Variants in WDR7 observed in about 807,000 individuals in gnomAD.
WDR7 encodes WD repeat-containing protein 7.
WDR7 carries 46 observed loss-of-function variants against 169.4 expected under a neutral mutation model. The observed-to-expected ratio is 0.27, with a 90% CI of 0.21 to 0.35. WDR7 has a LOEUF of 0.35. Among genes scored for constraint, WDR7 ranks in the 10% least tolerant of loss-of-function variants. WDR7 has a pLI of 1.00. For missense variants in WDR7, 1,534 were observed against 1,859.3 expected (o/e 0.83, Z 3.22); for synonymous variants, 612 against 666.8 (o/e 0.92, Z 1.27).
At chr18:56,858,819 T>G (rs1240142789) in intron 20 of WDR7, among the ~76,000 whole-genome samples, 1 of 152,198 alleles carries the variant, frequency 6.6e-6, no homozygotes, top group East Asian at 1.9e-4. Flanking sequence ...TCTAAACCCT[T>G]GAGCAACATC....
intron 26 of WDR7, among the ~76,000 whole-genome samples, chr18:57,016,101 G>A (rs1282966537): frequency 6.6e-6 from 1 of 152,088 alleles, no homozygotes; most frequent in Non-Finnish European, 1.5e-5. Context: ...TGGGGAGGAC[G>A]TATTTCGGCT....
At chr18:56,934,264 A>G (rs1429234752) in intron 22 of WDR7, among the ~76,000 whole-genome samples, 3 of 152,184 alleles carry the variant, frequency 2.0e-5, no homozygotes, top group South Asian at 2.1e-4. Context: ...CTACTCACAC[A>G]GTAAACATTT....
chr18:56,934,512 ACT>A (rs1251936866), intron 22 of WDR7, among the ~76,000 whole-genome samples: 4 of 151,310 alleles, frequency 2.6e-5, no homozygotes, highest in African/African-American at 9.7e-5. Flanking sequence ...TCCAAGGAAA[ACT>A]CTCCATAGTT....
At chr18:56,754,549 C>T (rs764757231) in intron 14 of WDR7, among the ~76,000 whole-genome samples, 7 of 151,866 alleles carry the variant, frequency 4.6e-5, no homozygotes, top group African/African-American at 7.2e-5. Flanking sequence ...TGTGTGCACG[C>T]GTGTGCGTGT....
intron 26 of WDR7, among the ~76,000 whole-genome samples, chr18:56,993,549 T>G (rs1173341345): frequency 6.6e-6 from 1 of 152,188 alleles, no homozygotes; most frequent in Non-Finnish European, 1.5e-5. Flanking sequence ...AAATTGAATT[T>G]GTATCAAAAG....
rs2048390650 is a variant in WDR7 at position 57,027,924 on chromosome 18, T to G, written c.*717T>G. On this transcript the variant is annotated 3_prime_UTR_variant, in exon 28 of 28. Coordinates refer to ENST00000254442, the MANE Select transcript of WDR7 (RefSeq NM_015285.3). ...CTTGCTTAAATGATAGTCTATTTAG[T>G]AGTTTAAAATAAAAATAATCACTCC... The G allele has an allele frequency of 6.6e-6, 1 of 152,212 alleles. No homozygotes were observed. The highest frequency in any genetic ancestry group is 2.1e-4 in the South Asian group (1 of 4,828). The allele number at this position is 152,212 out of a possible 1,614,324, so 9.4% of individuals were successfully genotyped here. A position where few individuals can be genotyped will look rare whatever the true frequency, so the allele number is the denominator to read the frequency against.
chr18:56,840,309 A>G (rs1484745622), intron 20 of WDR7, among the ~76,000 whole-genome samples: 1 of 152,166 alleles, frequency 6.6e-6, no homozygotes, highest in Non-Finnish European at 1.5e-5. Context: ...GAAAATTATG[A>G]TTGAACCAAA....
intron 16 of WDR7, among the ~76,000 whole-genome samples, chr18:56,772,906 A>G (rs2044186276): frequency 6.6e-6 from 1 of 152,096 alleles, no homozygotes; most frequent in Admixed American, 6.6e-5. Flanking sequence ...ATATAGAAGT[A>G]AATGCTGTAA....
At chr18:56,680,694 G>T (rs2025335496) in intron 3 of WDR7, among the ~76,000 whole-genome samples, 2 of 151,972 alleles carry the variant, frequency 1.3e-5, no homozygotes, top group Non-Finnish European at 2.9e-5. Context: ...CTTATATCTA[G>T]TTTTTTTGTG....
intron 19 of WDR7, among the ~76,000 whole-genome samples, chr18:56,808,822 G>A (rs1372667948): frequency 1.3e-5 from 2 of 152,130 alleles, no homozygotes; most frequent in Non-Finnish European, 2.9e-5. Context: ...TGATTTTGAA[G>A]ATGGCATATC....
chr18:56,754,402 T>C (rs893171205), intron 14 of WDR7, among the ~76,000 whole-genome samples: 39 of 151,120 alleles, frequency 2.6e-4, no homozygotes, highest in Non-Finnish European at 4.7e-4. Context: ...CGTGTATATA[T>C]ACACATATAT....
chr18:56,836,991 A>T (rs1006657870), intron 20 of WDR7, among the ~76,000 whole-genome samples: 1 of 152,240 alleles, frequency 6.6e-6, no homozygotes, highest in African/African-American at 2.4e-5. Flanking sequence ...CATCTGTCAC[A>T]CAACAAACGT....
intron 20 of WDR7, among the ~76,000 whole-genome samples, chr18:56,861,963 T>C (rs1374517598): frequency 6.6e-6 from 1 of 152,088 alleles, no homozygotes; most frequent in Non-Finnish European, 1.5e-5. Flanking sequence ...TACCTATAGA[T>C]AGGTGCATTT....
chr18:56,760,472 T>C (rs186465055), intron 16 of WDR7, among the ~76,000 whole-genome samples: 56 of 152,368 alleles, frequency 3.7e-4, no homozygotes, highest in Admixed American at 3.2e-3. Flanking sequence ...TGCTTGTCTT[T>C]TGTGACATTT....
In WDR7 at chr18:56,957,330, G is replaced by A. The variant is rs562323615; in HGVS notation, c.4065-5100G>A. On this transcript the variant is annotated intron_variant, in intron 25 of 27. Transcript: ENST00000254442. ...TTACTAGAGAAATTGCTCTGAATGT[G>A]TAGAGCAGCAGAAATCACAAAGAGG... The A allele has an allele frequency of 2.6e-5, 4 of 152,262 alleles. No homozygotes were observed. In the South Asian group the frequency reaches 8.3e-4, roughly 32 times the overall value. The allele number at this position is 152,262 out of a possible 1,614,324, so 9.4% of individuals were successfully genotyped here. A position where few individuals can be genotyped will look rare whatever the true frequency, so the allele number is the denominator to read the frequency against.
At chr18:56,659,358 A>G (rs2024855243) in intron 1 of WDR7, among the ~76,000 whole-genome samples, 1 of 152,196 alleles carries the variant, frequency 6.6e-6, no homozygotes, top group Non-Finnish European at 1.5e-5. Context: ...ACGCAAACAT[A>G]TTTCATTCAC....
chr18:56,909,810 A>C (rs1268065649), intron 21 of WDR7, among the ~76,000 whole-genome samples: 1 of 152,186 alleles, frequency 6.6e-6, no homozygotes, highest in Non-Finnish European at 1.5e-5. Context: ...AATGAAAACT[A>C]AGCCATTTGC....
At chr18:56,782,721 A>G (rs558190079) in intron 19 of WDR7, among the ~76,000 whole-genome samples, 1 of 152,290 alleles carries the variant, frequency 6.6e-6, no homozygotes, top group South Asian at 2.1e-4. Context: ...ACAAGAAGGA[A>G]AATGAAAACA....
In WDR7 at chr18:56,665,096, C is replaced by T. The variant is rs557752988; in HGVS notation, c.-19-7401C>T. On this transcript the variant is annotated intron_variant, in intron 1 of 27. Coordinates refer to ENST00000254442, the MANE Select transcript of WDR7 (RefSeq NM_015285.3). ...TCACCTGAGGTCAGGAGTTTGAGATCAGCCTGGCCAACATGGCAAAACCCC... is the reference window on the plus strand; with the variant it reads ...TCACCTGAGGTCAGGAGTTTGAGATTAGCCTGGCCAACATGGCAAAACCCC... Among the ~76,000 whole-genome samples, 3 of 152,118 alleles carry T rather than the reference C, an allele frequency of 2.0e-5. No homozygotes were observed. The South Asian group carries it at 6.2e-4, about 32-fold the overall frequency.
Sources: allele counts gnomAD v4.1 joint callset (sites outside exome capture counted in the v4.1 genomes callset), GRCh38; gene constraint gnomAD v4.1.1; transcripts MANE v1.5; gene names NCBI Gene and HGNC (gene_info 2026-07-23, HGNC 2026-07-21).